The following CAPN2 variants were observed in gnomAD, a reference collection of about 807,000 sequenced individuals.
CAPN2 encodes calpain 2, also known as calpain-2 catalytic subunit.
A neutral mutation model predicts 102.3 loss-of-function variants in CAPN2; 92 were observed. The observed-to-expected ratio is 0.90, with a 90% CI of 0.76 to 1.07. CAPN2 has a LOEUF of 1.07. CAPN2 is among the 50% of genes least tolerant of loss of function. The pLI is 0.00. For synonymous variants in CAPN2, 340 were observed against 355.4 expected (o/e 0.96, Z 0.49); for missense variants, 800 against 909.4 (o/e 0.88, Z 1.55).
At chr1:223,765,400 G>C (rs1348076090) in intron 15 of CAPN2, among the ~76,000 whole-genome samples, 1 of 152,204 alleles carries the variant, frequency 6.6e-6, no homozygotes, top group African/African-American at 2.4e-5. Context: ...GGGAAGGCAA[G>C]AAGATTGTGT....
upstream of CAPN2, among the ~76,000 whole-genome samples, chr1:223,708,780 AAG>A (rs143252272): frequency 1.3e-4 from 19 of 149,956 alleles, no homozygotes; most frequent in Admixed American, 5.3e-4. Flanking sequence ...GAAAGAGCGA[AAG>A]AGAGAGAGAG....
In CAPN2 at chr1:223,751,289, C is replaced by T. The variant is rs1235342624; in HGVS notation, c.899+314C>T. Among the ~76,000 whole-genome samples, 3 of 152,316 alleles carry T rather than the reference C, an allele frequency of 2.0e-5. No homozygotes were observed. The East Asian group carries it at 5.8e-4, about 29-fold the overall frequency. ...TATGGGGCTTTCAGGGAAAAAAATA[C>T]ACCCCACCTTCCCCCAGGCACTTCT... is the stretch of plus-strand genomic sequence containing the variant. On this transcript the variant is annotated intron_variant, in intron 7 of 20. Transcript: ENST00000295006.
At chr1:223,720,330 T>TTTTTTTTTG (rs1660020358) in intron 2 of CAPN2, among the ~76,000 whole-genome samples, 1 of 148,496 alleles carries the variant, frequency 6.7e-6, no homozygotes, top group African/African-American at 2.5e-5. Flanking sequence ...TTTTTTTTTT[T>TTTTTTTTTG]TTTTGACAGG....
intron 12 of CAPN2, among the ~76,000 whole-genome samples, chr1:223,761,098 G>A (rs941328458): frequency 1.3e-5 from 2 of 152,354 alleles, no homozygotes; most frequent in South Asian, 4.1e-4. Context: ...ACAAGTAGGC[G>A]ATGATTTGCA....
intron 2 of CAPN2, among the ~76,000 whole-genome samples, chr1:223,728,083 T>A (rs1660244461): frequency 6.6e-6 from 1 of 151,982 alleles, no homozygotes; most frequent in South Asian, 2.1e-4. Context: ...TGCGTTACAG[T>A]TCAGACTCCC....
intron 2 of CAPN2, among the ~76,000 whole-genome samples, chr1:223,737,712 G>A (rs1158132761): frequency 1.5e-4 from 4 of 27,246 alleles, no homozygotes; most frequent in Non-Finnish European, 3.4e-4. Context: ...CGGGGCGGGG[G>A]GTGGGGGGGA....
chr1:223,774,867 TA>T lies in CAPN2; in HGVS notation c.*12del, dbSNP rs761897273. 6.2e-7 allele frequency: 1 copy of T among 1,611,448 alleles called. No homozygotes were observed. Among genetic ancestry groups the T allele is most frequent in the South Asian group, 1.1e-5 (1 of 90,934 alleles). ...TTTCTCAGTACTTTGAAGTTATAAC[TA>T]ATCTGCCTGAAGACTTCTCATGATG... On this transcript the variant is annotated 3_prime_UTR_variant, in exon 21 of 21. Coordinates refer to ENST00000295006, the MANE Select transcript of CAPN2 (RefSeq NM_001748.5).
chr1:223,762,354 C>A, intron 14 of CAPN2, 103 bp downstream of exon 14: 1 of 933,326 alleles, frequency 1.1e-6, no homozygotes, highest in Non-Finnish European at 1.7e-6. Flanking sequence ...AGGAAACAAA[C>A]TGAACAAAAG....
At chr1:223,764,117 G>A (rs1159224929) in intron 14 of CAPN2, 33 bp from the exon 15 acceptor site, 4 of 1,590,380 alleles carry the variant, frequency 2.5e-6, no homozygotes, top group East Asian at 2.2e-5. Context: ...CCCACGGGGG[G>A]CCAATAACTA....
At chr1:223,766,292 C>T in intron 15 of CAPN2, 75 bp from the exon 16 acceptor site, 1 of 1,082,462 alleles carries the variant, frequency 9.2e-7, no homozygotes, top group African/African-American at 1.5e-5. Flanking sequence ...TAAAGAATAT[C>T]TCCATGATTG....
intron 1 of CAPN2, among the ~76,000 whole-genome samples, chr1:223,706,900 C>T (rs763493496): frequency 1.2e-4 from 18 of 151,708 alleles, no homozygotes; most frequent in Non-Finnish European, 2.5e-4. Flanking sequence ...GACAACATGG[C>T]GAAACCCCGT....
At chr1:223,710,056 C>A (rs1659698010), upstream of CAPN2, among the ~76,000 whole-genome samples, 1 of 152,090 alleles carries the variant, frequency 6.6e-6, no homozygotes, top group African/African-American at 2.4e-5. Flanking sequence ...AGGCGGATCA[C>A]CTGAGGTCAG....
rs17596 is a variant in CAPN2 at position 223,717,830 on chromosome 1, G to A, written c.306G>A (p.Leu102=). The A allele has an allele frequency of 0.75, 1,211,420 of 1,611,052 alleles. 462,426 individuals are homozygous for A. The highest frequency in any genetic ancestry group is 0.78 in the Non-Finnish European group (923,955 of 1,177,408). The change falls in exon 2 of 21, where the codon CTG becomes CTA. Residue 102 remains leucine, a splice_region_variant and synonymous_variant. Coordinates refer to ENST00000295006, the MANE Select transcript of CAPN2 (RefSeq NM_001748.5). ...ATRTDICQGA[L]GDCWLLAAIA... ...GCACAGACATCTGCCAAGGAGCCCT[G>A]GGTAAGTGATAGATTCAGAGCAAGC...
intron 2 of CAPN2, among the ~76,000 whole-genome samples, chr1:223,719,839 C>CGT (rs1660003875): frequency 7.1e-6 from 1 of 141,590 alleles, no homozygotes; most frequent in Admixed American, 7.1e-5. Flanking sequence ...TGTGCGCGCG[C>CGT]GCGCGTATAA....
At chr1:223,762,312 T>G in intron 14 of CAPN2, 61 bp downstream of exon 14, 1 of 1,340,922 alleles carries the variant, frequency 7.5e-7, no homozygotes, top group Non-Finnish European at 1.1e-6. Context: ...AGACAGTGTG[T>G]GTCCCCAAGG....
At chr1:223,712,447 G>A, upstream of CAPN2, 1 of 1,124,732 alleles carries the variant, frequency 8.9e-7, no homozygotes. Flanking sequence ...TCCCGGGCCG[G>A]GAGCCCAGCA....
At chr1:223,712,095 C>T (rs1659744123), upstream of CAPN2, among the ~76,000 whole-genome samples, 1 of 152,210 alleles carries the variant, frequency 6.6e-6, no homozygotes. Flanking sequence ...ATATCAGCGC[C>T]TTCTTCAGAG....
At position 223,759,517 on chromosome 1, in the gene CAPN2, CCTGTCCCTCCCCACTGGT is replaced by C; in HGVS notation, c.1529+41_1529+58del. 1 of 1,567,688 alleles carries C rather than the reference CCTGTCCCTCCCCACTGGT, an allele frequency of 6.4e-7. No individual in the cohort carries two copies. Among genetic ancestry groups the C allele is most frequent in the South Asian group, 1.1e-5 (1 of 89,754 alleles). ...TGGTCCCTTCCTCTCCCCACCCTTC[CCTGTCCCTCCCCACTGGT>C]CTGTTCCTCGGCCCCTAGAGGGCTC... On this transcript the variant is annotated intron_variant, in intron 12 of 20. Coordinates refer to ENST00000295006, the MANE Select transcript of CAPN2 (RefSeq NM_001748.5). The surrounding 1 kb of genome is among the most constrained non-coding windows in gnomAD (Gnocchi z 4.6).
intron 2 of CAPN2, among the ~76,000 whole-genome samples, chr1:223,738,690 C>CCTG (rs1461246564): frequency 6.6e-6 from 1 of 152,196 alleles, no homozygotes; most frequent in African/African-American, 2.4e-5. Context: ...TCAGAGAAGC[C>CCTG]CTGCACACTG....
Sources: gnomAD v4.1 joint callset for allele counts (sites outside exome capture counted in the v4.1 genomes callset) on GRCh38, gnomAD v4.1.1 for gene constraint, Gnocchi (gnomAD v3.1) non-coding constraint, MANE v1.5 for transcripts, NCBI Gene and HGNC (gene_info 2026-07-23, HGNC 2026-07-21) for gene names.